The following PTGER3 variants were observed in gnomAD, a reference collection of about 807,000 sequenced individuals.
The protein encoded by PTGER3 is prostaglandin E2 receptor EP3 subtype.
In PTGER3, 22 loss-of-function variants were observed where a neutral mutation model predicts 34.7. The observed-to-expected ratio is 0.63, with a 90% CI of 0.45 to 0.91. The LOEUF is 0.91. Among genes scored for constraint, PTGER3 ranks in the 40% least tolerant of loss-of-function variants. The pLI is 0.00. For synonymous variants in PTGER3, 241 were observed against 230.1 expected (o/e 1.05, Z -0.43); for missense variants, 468 against 519.4 (o/e 0.90, Z 0.96).
chr1:70,896,833 A>G (rs986907667), intron 4 of PTGER3, among the ~76,000 whole-genome samples: 8 of 152,156 alleles, frequency 5.3e-5, no homozygotes, highest in African/African-American at 1.9e-4. Flanking sequence ...TCTCCTTGAC[A>G]TAGCAGAGTA....
At chr1:70,888,158 G>C (rs1203561421) in intron 4 of PTGER3, among the ~76,000 whole-genome samples, 3 of 152,002 alleles carry the variant, frequency 2.0e-5, no homozygotes, top group Admixed American at 2.0e-4. Flanking sequence ...AGCCCTCTTA[G>C]CAGACGTAGC....
In PTGER3 at chr1:71,047,557, G is replaced by T. The variant is rs778910235; in HGVS notation, c.21C>A (p.Tyr7Ter). 6.4e-7 allele frequency: 1 copy of T among 1,556,458 alleles called. No individual in the cohort carries two copies. Among genetic ancestry groups the T allele is most frequent in the Non-Finnish European group, 8.7e-7 (1 of 1,147,306 alleles). ...GGGTGCAGAAGGGGGCATCCCCTCC[G>T]TAGCCCCGGGTCTCCTTCATGTTGG... Reference protein sequence around the residue: MKETRGYGGDAPFCTRL... With the variant: MKETRG The change falls in exon 1 of 4, where the codon TAC becomes TAA. Residue 7 changes from tyrosine (Y) to a stop codon, truncating the protein, a stop_gained. Coordinates refer to ENST00000306666, the MANE Select transcript of PTGER3 (RefSeq NM_198719.2). LOFTEE classifies it high-confidence loss of function.
At chr1:70,985,477 T>C (rs955023853) in intron 2 of PTGER3, among the ~76,000 whole-genome samples, 3 of 152,068 alleles carry the variant, frequency 2.0e-5, no homozygotes, top group Admixed American at 6.6e-5. Context: ...AAACTGTTTC[T>C]CATAAATGCA....
intron 4 of PTGER3, among the ~76,000 whole-genome samples, chr1:70,939,423 A>T (rs1229464984): frequency 1.3e-5 from 2 of 152,172 alleles, no homozygotes; most frequent in Non-Finnish European, 2.9e-5. Flanking sequence ...CCCTCTTCTT[A>T]CAGCTCCACT....
chr1:70,986,189 A>C (rs1654893586), intron 2 of PTGER3, among the ~76,000 whole-genome samples: 1 of 152,114 alleles, frequency 6.6e-6, no homozygotes, highest in Admixed American at 6.5e-5. Context: ...AGGCATGAAT[A>C]CTCAGCCCTT....
intron 4 of PTGER3, among the ~76,000 whole-genome samples, chr1:70,863,004 G>A (rs190868035): frequency 5.9e-5 from 9 of 152,188 alleles, no homozygotes; most frequent in Admixed American, 3.3e-4. Flanking sequence ...ACAGATCGGA[G>A]ACACTTGTAG....
intron 1 of PTGER3, among the ~76,000 whole-genome samples, chr1:71,037,671 G>A (rs888080295): frequency 2.0e-5 from 3 of 152,198 alleles, no homozygotes; most frequent in African/African-American, 7.2e-5. Context: ...AGTGAGAACT[G>A]AAAGGAGGAT....
chr1:70,942,907 A>G (rs1438238477), intron 4 of PTGER3, among the ~76,000 whole-genome samples: 1 of 152,144 alleles, frequency 6.6e-6, no homozygotes, highest in Non-Finnish European at 1.5e-5. Context: ...TAAACCTGCC[A>G]ACATGTTGAT....
At chr1:71,044,058 C>A (rs1265818395) in intron 1 of PTGER3, among the ~76,000 whole-genome samples, 1 of 151,462 alleles carries the variant, frequency 6.6e-6, no homozygotes, top group Non-Finnish European at 1.5e-5. Context: ...TCAAATGATC[C>A]ACTCACCTCG....
chr1:70,990,452 TAC>T (rs1655363487), intron 2 of PTGER3, among the ~76,000 whole-genome samples: 1 of 143,674 alleles, frequency 7.0e-6, no homozygotes, highest in Admixed American at 7.1e-5. Flanking sequence ...AATATATATA[TAC>T]ATATATTATA....
exon 4 of PTGER3, chr1:70,952,608 C>G: frequency 9.7e-7 from 1 of 1,033,502 alleles, no homozygotes; most frequent in South Asian, 4.3e-5. Flanking sequence ...CACTGCATTA[C>G]CAGCATGCAT....
intron 2 of PTGER3, among the ~76,000 whole-genome samples, chr1:70,977,466 CT>C (rs1159557268): frequency 1.3e-5 from 2 of 151,982 alleles, no homozygotes; most frequent in African/African-American, 4.8e-5. Context: ...TTCTGCTCAC[CT>C]ACACTAGCTC....
chr1:71,033,802 C>A (rs942618626), intron 1 of PTGER3, among the ~76,000 whole-genome samples: 1 of 152,034 alleles, frequency 6.6e-6, no homozygotes, highest in African/African-American at 2.4e-5. Flanking sequence ...CACTACCTTA[C>A]ACACAATCAG....
At chr1:70,863,545 A>G in intron 4 of PTGER3, among the ~76,000 whole-genome samples, 1 of 152,222 alleles carries the variant, frequency 6.6e-6, no homozygotes, top group Non-Finnish European at 1.5e-5. Context: ...ATTTAGGACA[A>G]TGTTTTCAAC....
At chr1:71,043,832 T>G (rs1397797972) in intron 1 of PTGER3, among the ~76,000 whole-genome samples, 1 of 151,804 alleles carries the variant, frequency 6.6e-6, no homozygotes, top group Non-Finnish European at 1.5e-5. Flanking sequence ...TTTGTTTTTT[T>G]TTTAGAGGGA....
At chr1:70,990,680 GTTGCTCAGGCTGTGC>G (rs1655393518) in intron 2 of PTGER3, among the ~76,000 whole-genome samples, 1 of 151,846 alleles carries the variant, frequency 6.6e-6, no homozygotes, top group Admixed American at 6.6e-5. Flanking sequence ...GTTTCACAGT[GTTGCTCAGGCTGTGC>G]TTGAATTTCT....
At chr1:70,908,682 T>C (rs1363644483) in intron 4 of PTGER3, among the ~76,000 whole-genome samples, 1 of 152,198 alleles carries the variant, frequency 6.6e-6, no homozygotes, top group Non-Finnish European at 1.5e-5. Context: ...CAGGGGTCTA[T>C]AAGAATAGTA....
intron 1 of PTGER3, among the ~76,000 whole-genome samples, chr1:71,043,000 T>G (rs1660449106): frequency 6.6e-6 from 1 of 152,216 alleles, no homozygotes; most frequent in African/African-American, 2.4e-5. Flanking sequence ...GTTTTTGAGA[T>G]AGCTTACAGT....
chr1:71,012,800 A>T (rs1383904722), intron 1 of PTGER3, among the ~76,000 whole-genome samples: 1 of 152,212 alleles, frequency 6.6e-6, no homozygotes, highest in Non-Finnish European at 1.5e-5. Flanking sequence ...GTTGCAGAAA[A>T]CACCACAAGT....
Sources: allele counts gnomAD v4.1 joint callset (sites outside exome capture counted in the v4.1 genomes callset), GRCh38; gene constraint gnomAD v4.1.1; transcripts MANE v1.5; gene names NCBI Gene and HGNC (gene_info 2026-07-23, HGNC 2026-07-21).